NRG1: variants seen among roughly 807,000 people sequenced by gnomAD.
NRG1 encodes neuregulin 1, also known as pro-neuregulin-1, membrane-bound isoform.
Under a neutral mutation model 63.8 loss-of-function variants are expected in NRG1, and 18 were observed. That is an observed-to-expected ratio of 0.28 (90% CI 0.19 to 0.42). The LOEUF (loss-of-function observed/expected upper bound fraction) is 0.42. Ranked by LOEUF, NRG1 falls within the 10% of genes least tolerant of loss-of-function variation. NRG1 has a pLI of 1.00. For missense variants in NRG1, 762 were observed against 814.7 expected, an observed-to-expected ratio of 0.94 and a Z score of 0.79; for synonymous variants, 302 against 301.3, an observed-to-expected ratio of 1.00 and a Z score of -0.02.
At chr8:32,021,514 C>A (rs569665734) in intron 1 of NRG1, among the ~76,000 whole-genome samples, 1 of 152,240 alleles carries the variant, frequency 6.6e-6, no homozygotes, top group African/African-American at 2.4e-5. Flanking sequence ...GCCCTCATAA[C>A]CCAAACACCT....
intron 1 of NRG1, among the ~76,000 whole-genome samples, chr8:32,349,462 A>G (rs1805318530): frequency 6.6e-6 from 1 of 152,180 alleles, no homozygotes; most frequent in Non-Finnish European, 1.5e-5. Context: ...TAGTCAAGGT[A>G]CCATACACAT....
At chr8:32,579,600 T>C (rs17664732) in intron 1 of NRG1, among the ~76,000 whole-genome samples, 38,983 of 152,046 alleles carry the variant, frequency 0.26, 5,126 homozygotes, top group South Asian at 0.33. Context: ...GCTAATTCTT[T>C]TACCTCACTC....
intron 1 of NRG1, among the ~76,000 whole-genome samples, chr8:31,957,374 C>G (rs1386716915): frequency 6.6e-6 from 1 of 152,088 alleles, no homozygotes; most frequent in Non-Finnish European, 1.5e-5. Context: ...ATATGGTGCA[C>G]TGGGCTATGT....
chr8:32,600,874 G>C (rs1479072782), intron 2 of NRG1, among the ~76,000 whole-genome samples: 1 of 151,996 alleles, frequency 6.6e-6, no homozygotes, highest in African/African-American at 2.4e-5. Context: ...CAATTAAAGA[G>C]CAAAAAGTTA....
chr8:32,407,254 A>ATG (rs368909349), intron 1 of NRG1, among the ~76,000 whole-genome samples: 60 of 132,156 alleles, frequency 4.5e-4, no homozygotes, highest in African/African-American at 1.5e-3. Flanking sequence ...CTATATATAT[A>ATG]TGTGTGTGTG....
At chr8:31,861,650 C>A (rs994483316) in intron 1 of NRG1, among the ~76,000 whole-genome samples, 26 of 152,140 alleles carry the variant, frequency 1.7e-4, no homozygotes, top group African/African-American at 6.3e-4. Context: ...TAGGCACAGG[C>A]AAAGCCTAGC....
At chr8:32,547,632 C>T (rs924105750), upstream of NRG1, among the ~76,000 whole-genome samples, 2 of 151,464 alleles carry the variant, frequency 1.3e-5, no homozygotes, top group Non-Finnish European at 2.9e-5. Flanking sequence ...CACACGCACA[C>T]GGCGCAGACC....
intron 1 of NRG1, among the ~76,000 whole-genome samples, chr8:32,020,221 T>C (rs575849595): frequency 6.6e-6 from 1 of 152,340 alleles, no homozygotes; most frequent in South Asian, 2.1e-4. Context: ...ATTATGCATG[T>C]TTCATTAGAT....
chr8:32,083,202 C>T (rs1245076679), intron 1 of NRG1, among the ~76,000 whole-genome samples: 3 of 152,152 alleles, frequency 2.0e-5, no homozygotes, highest in African/African-American at 7.2e-5. Context: ...CATACATGCA[C>T]ACAAAGTTGA....
At chr8:32,732,855 T>G (rs551408737) in intron 6 of NRG1, among the ~76,000 whole-genome samples, 1 of 138,622 alleles carries the variant, frequency 7.2e-6, no homozygotes, top group African/African-American at 2.7e-5. Flanking sequence ...TTGCCCAGGC[T>G]GGAGTGCAAT....
Position 32,220,821 on chromosome 8 carries a change from G to C in NRG1, c.38-375007G>C, listed in dbSNP as rs374254844. 2.0e-5 allele frequency: 3 copies of C among 152,338 alleles called. No homozygotes were observed. In the East Asian group the frequency reaches 5.8e-4, roughly 29 times the overall value. The allele number at this position is 152,338 out of a possible 1,614,324, so 9.4% of individuals were successfully genotyped here. A position where few individuals can be genotyped will look rare whatever the true frequency, so the allele number is the denominator to read the frequency against. ...CTTGCCGGTGATGTCACTGCTGCTA[G>C]CTGGGAGGGAATCCCAGGACCTGCG... On this transcript the variant is annotated intron_variant, in intron 1 of 10. Coordinates refer to the NRG1 transcript ENST00000519301.
At chr8:32,412,429 T>TATATATATATATATAC (rs1815146841) in intron 1 of NRG1, among the ~76,000 whole-genome samples, 2 of 44,444 alleles carry the variant, frequency 4.5e-5, no homozygotes, top group South Asian at 2.1e-3. Context: ...TCTACATATA[T>TATATATATATATATAC]ATATATATAT....
chr8:32,239,528 C>T (rs1469269687), intron 1 of NRG1, among the ~76,000 whole-genome samples: 2 of 143,204 alleles, frequency 1.4e-5, no homozygotes. Flanking sequence ...AAATGAATTT[C>T]AATGAATTTT....
At chr8:32,762,056 A>AC (rs1326893006) in intron 11 of NRG1, among the ~76,000 whole-genome samples, 4 of 149,680 alleles carry the variant, frequency 2.7e-5, no homozygotes, top group African/African-American at 1.0e-4. Flanking sequence ...AAAAAAAAAA[A>AC]AAAACATTCT....
At chr8:32,684,049 T>C (rs1418724261) in intron 5 of NRG1, among the ~76,000 whole-genome samples, 2 of 151,928 alleles carry the variant, frequency 1.3e-5, no homozygotes, top group Non-Finnish European at 2.9e-5. Context: ...ACAAAAAAAC[T>C]AGCCAGGTAT....
chr8:31,754,481 A>G (rs1227131083), intron 1 of NRG1, among the ~76,000 whole-genome samples: 2 of 152,050 alleles, frequency 1.3e-5, no homozygotes, highest in Non-Finnish European at 2.9e-5. Context: ...GCCTCCCCAG[A>G]AGCTGAGCAG....
chr8:32,549,757 T>C (rs1482337496), intron 1 of NRG1, among the ~76,000 whole-genome samples: 1 of 152,164 alleles, frequency 6.6e-6, no homozygotes, highest in Non-Finnish European at 1.5e-5. Context: ...CTTTGGACAT[T>C]ACCTTGGACA....
chr8:31,975,080 C>G (rs1178514585), intron 1 of NRG1, among the ~76,000 whole-genome samples: 1 of 152,116 alleles, frequency 6.6e-6, no homozygotes, highest in Non-Finnish European at 1.5e-5. Context: ...TTCTGTGTTT[C>G]CATGCAAATA....
chr8:32,174,288 GAAC>G (rs1295447757), intron 1 of NRG1, among the ~76,000 whole-genome samples: 6 of 151,960 alleles, frequency 3.9e-5, no homozygotes, highest in Non-Finnish European at 7.4e-5. Flanking sequence ...AAACCAACGA[GAAC>G]AAAGACACAA....
Sources: gnomAD v4.1 joint callset for allele counts (sites outside exome capture counted in the v4.1 genomes callset) on GRCh38, gnomAD v4.1.1 for gene constraint, MANE v1.5 for transcripts, NCBI Gene and HGNC (gene_info 2026-07-23, HGNC 2026-07-21) for gene names.